The following SORCS1 variants were observed in gnomAD, a reference collection of about 807,000 sequenced individuals.
The protein encoded by SORCS1 is VPS10 domain-containing receptor SorCS1.
A neutral mutation model predicts 146.1 loss-of-function variants in SORCS1; 60 were observed. That is an observed-to-expected ratio of 0.41 (90% CI 0.33 to 0.51). The LOEUF is 0.51. SORCS1 is among the 20% of genes least tolerant of loss of function. SORCS1 has a pLI of 0.21. For synonymous variants in SORCS1, 637 were observed against 584.0 expected, an observed-to-expected ratio of 1.09 and a Z score of -1.31; for missense variants, 1,352 against 1,487.6, an observed-to-expected ratio of 0.91 and a Z score of 1.50.
At chr10:107,075,057 T>G (rs1927656) in intron 1 of SORCS1, among the ~76,000 whole-genome samples, 12,159 of 152,192 alleles carry the variant, frequency 0.08, 1,521 homozygotes, top group African/African-American at 0.27. Context: ...GCCTCAATGA[T>G]TTGACATTTC....
intron 5 of SORCS1, among the ~76,000 whole-genome samples, chr10:106,748,680 A>C (rs1298173710): frequency 6.6e-6 from 1 of 152,158 alleles, no homozygotes; most frequent in Non-Finnish European, 1.5e-5. Flanking sequence ...TTATGATAAC[A>C]TTACATGCCA....
chr10:107,005,237 T>C (rs931343736), intron 1 of SORCS1, among the ~76,000 whole-genome samples: 3 of 151,168 alleles, frequency 2.0e-5, no homozygotes, highest in African/African-American at 7.3e-5. Context: ...GGGTGAGAGA[T>C]CACTTGAGCC....
intron 1 of SORCS1, among the ~76,000 whole-genome samples, chr10:107,084,864 T>G (rs1306473140): frequency 6.6e-6 from 1 of 152,144 alleles, no homozygotes; most frequent in Non-Finnish European, 1.5e-5. Context: ...CTCTAATCTA[T>G]CCCATTTCCT....
Position 106,836,210 on chromosome 10 carries a change from C to A in SORCS1, c.627-6537G>T, listed in dbSNP as rs980195668. ...GGGAGGTGCGCCGGGCGCAGTGGCT[C>A]ACGCCTGTAATCCCAGAACTTTGGG... On this transcript the variant is annotated intron_variant, in intron 2 of 25. Transcript: ENST00000263054. Among the ~76,000 whole-genome samples, 4 of 151,436 alleles carry A rather than the reference C, an allele frequency of 2.6e-5. No homozygotes were observed. The East Asian group carries it at 7.9e-4, about 30-fold the overall frequency.
At chr10:106,694,551 G>C (rs1202212624) in intron 9 of SORCS1, among the ~76,000 whole-genome samples, 2 of 152,190 alleles carry the variant, frequency 1.3e-5, no homozygotes, top group Admixed American at 1.3e-4. Context: ...CTGGCCAATA[G>C]TACATTCAAT....
chr10:106,601,924 AC>A (rs1846266863), intron 23 of SORCS1, among the ~76,000 whole-genome samples: 2 of 152,182 alleles, frequency 1.3e-5, no homozygotes, highest in South Asian at 4.1e-4. Context: ...CCTATCATGT[AC>A]CCTGAAAGCA....
At chr10:106,742,823 C>G (rs979352792) in intron 5 of SORCS1, among the ~76,000 whole-genome samples, 1 of 152,092 alleles carries the variant, frequency 6.6e-6, no homozygotes, top group Non-Finnish European at 1.5e-5. Context: ...GATTTTGGAG[C>G]ATTTATGGTT....
chr10:107,087,707 G>A (rs1184415049), intron 1 of SORCS1, among the ~76,000 whole-genome samples: 1 of 152,218 alleles, frequency 6.6e-6, no homozygotes, highest in Non-Finnish European at 1.5e-5. Flanking sequence ...GTCATGAGAA[G>A]TCAAGCGTTT....
At chr10:106,851,086 T>G (rs2137278966) in intron 2 of SORCS1, among the ~76,000 whole-genome samples, 1 of 152,344 alleles carries the variant, frequency 6.6e-6, no homozygotes, top group Admixed American at 6.5e-5. Context: ...ACTGAATTTC[T>G]TTGTATATTG....
Position 106,574,533 on chromosome 10 carries a change from AGTAT to A in SORCS1, c.*2883_*2886del, listed in dbSNP as rs1464766053. The A allele has an allele frequency of 6.6e-5, 10 of 152,584 alleles. No individual in the cohort carries two copies. The highest frequency in any genetic ancestry group is 2.4e-4 in the African/African-American group (10 of 41,412). The allele number at this position is 152,584 out of a possible 1,614,324, so 9.5% of individuals were successfully genotyped here. A position where few individuals can be genotyped will look rare whatever the true frequency, so the allele number is the denominator to read the frequency against. ...CCTAGTACAATGGTTCTCAAACTTT[AGTAT>A]GTATCACAATCACTGGGAGGGCTTG... On this transcript the variant is annotated 3_prime_UTR_variant, in exon 26 of 26. Coordinates refer to ENST00000263054, the MANE Select transcript of SORCS1 (RefSeq NM_052918.5).
intron 1 of SORCS1, among the ~76,000 whole-genome samples, chr10:107,123,199 T>A (rs1167696497): frequency 6.6e-6 from 1 of 151,904 alleles, no homozygotes; most frequent in East Asian, 1.9e-4. Context: ...ACATTCTCAA[T>A]GATGTTGCAT....
At chr10:107,016,779 G>A in intron 1 of SORCS1, among the ~76,000 whole-genome samples, 1 of 152,084 alleles carries the variant, frequency 6.6e-6, no homozygotes, top group East Asian at 1.9e-4. Context: ...ATCCATATAA[G>A]TAATAGATGA....
intron 1 of SORCS1, among the ~76,000 whole-genome samples, chr10:107,023,418 C>A (rs563428215): frequency 5.9e-5 from 9 of 152,188 alleles, no homozygotes; most frequent in Non-Finnish European, 1.0e-4. Context: ...CATTTTAGCA[C>A]TGCAGAATTT....
At chr10:106,671,529 A>G (rs1471787367) in intron 15 of SORCS1, among the ~76,000 whole-genome samples, 162 bp from the exon 16 acceptor site, 1 of 152,200 alleles carries the variant, frequency 6.6e-6, no homozygotes, top group Non-Finnish European at 1.5e-5. Context: ...CTAGAGCCCT[A>G]TTATACAACC....
chr10:106,996,916 T>A (rs1957027410), intron 1 of SORCS1, among the ~76,000 whole-genome samples: 1 of 152,200 alleles, frequency 6.6e-6, no homozygotes, highest in African/African-American at 2.4e-5. Flanking sequence ...GAAATATGTC[T>A]AAAATCACAA....
intron 3 of SORCS1, among the ~76,000 whole-genome samples, chr10:106,797,441 T>C (rs544246066): frequency 6.6e-6 from 1 of 152,278 alleles, no homozygotes; most frequent in East Asian, 1.9e-4. Flanking sequence ...ACTTAGGTGA[T>C]TTTCATGAAA....
chr10:106,900,060 A>G lies in SORCS1; in HGVS notation c.626+56453T>C, dbSNP rs571627187. Among the ~76,000 whole-genome samples, 170 of 152,190 alleles carry G rather than the reference A, an allele frequency of 1.1e-3. 1 individual carries two copies. Among genetic ancestry groups the G allele is most frequent in the African/African-American group, 3.7e-3 (155 of 41,516 alleles). ...ACCTCAGAAAAGAAGCTCAAGGGAC[A>G]TCTCCCTTGGGACCATCCTTCCCAA... On this transcript the variant is annotated intron_variant, in intron 2 of 25. Coordinates refer to ENST00000263054, the MANE Select transcript of SORCS1 (RefSeq NM_052918.5).
At chr10:106,966,122 T>C (rs1037025985) in intron 1 of SORCS1, among the ~76,000 whole-genome samples, 2 of 152,208 alleles carry the variant, frequency 1.3e-5, no homozygotes, top group African/African-American at 2.4e-5. Flanking sequence ...TTTCCACAGA[T>C]GGTTTTACAG....
At chr10:106,741,979 A>G (rs61867266) in intron 5 of SORCS1, among the ~76,000 whole-genome samples, 16,441 of 152,224 alleles carry the variant, frequency 0.11, 974 homozygotes, top group East Asian at 0.23. Context: ...TATGACACAA[A>G]GTCTTCTCTT....
Sources: allele counts gnomAD v4.1 joint callset (sites outside exome capture counted in the v4.1 genomes callset), GRCh38; gene constraint gnomAD v4.1.1; transcripts MANE v1.5; gene names NCBI Gene and HGNC (gene_info 2026-07-23, HGNC 2026-07-21).